PRKG2: variants seen among roughly 807,000 people sequenced by gnomAD.
PRKG2 encodes protein kinase cGMP-dependent 2.
A neutral mutation model predicts 97.2 loss-of-function variants in PRKG2; 33 were observed. That is an observed-to-expected ratio of 0.34 (90% confidence interval 0.26 to 0.45). The LOEUF (loss-of-function observed/expected upper bound fraction) is 0.45. Among genes scored for constraint, PRKG2 ranks in the 20% least tolerant of loss-of-function variants. PRKG2 has a pLI of 1.00. For synonymous variants in PRKG2, 330 were observed against 321.8 expected (o/e 1.03, Z -0.27); for missense variants, 638 against 900.0 (o/e 0.71, Z 3.73).
At chr4:81,116,066 G>T (rs946501457) in intron 14 of PRKG2, among the ~76,000 whole-genome samples, 1 of 151,984 alleles carries the variant, frequency 6.6e-6, no homozygotes, top group Non-Finnish European at 1.5e-5. Flanking sequence ...ATGTATACAT[G>T]TGCAGGTTTG....
chr4:81,100,412 C>T (rs1430456670), intron 17 of PRKG2, among the ~76,000 whole-genome samples: 1 of 152,110 alleles, frequency 6.6e-6, no homozygotes, highest in Non-Finnish European at 1.5e-5. Flanking sequence ...TAATGCCGCA[C>T]ATCTACAACC....
intron 16 of PRKG2, among the ~76,000 whole-genome samples, 167 bp downstream of exon 16, chr4:81,105,646 A>G (rs1010732284): frequency 6.6e-6 from 1 of 152,136 alleles, no homozygotes; most frequent in African/African-American, 2.4e-5. Flanking sequence ...GAGGTCAACT[A>G]AAACCCCCTA....
chr4:81,172,200 TG>T (rs2110084157), intron 3 of PRKG2, among the ~76,000 whole-genome samples: 1 of 152,262 alleles, frequency 6.6e-6, no homozygotes, highest in East Asian at 1.9e-4. Flanking sequence ...AAGCAGTGGA[TG>T]GCAAGTGTTT....
chr4:81,132,031 T>C (rs1329334751), intron 14 of PRKG2, among the ~76,000 whole-genome samples: 4 of 152,146 alleles, frequency 2.6e-5, no homozygotes, highest in Non-Finnish European at 5.9e-5. Context: ...GCTTATCAAA[T>C]ATTGAATTAT....
intron 6 of PRKG2, among the ~76,000 whole-genome samples, chr4:81,157,881 G>T (rs565125327): frequency 6.8e-6 from 1 of 146,388 alleles, no homozygotes; most frequent in Non-Finnish European, 1.5e-5. Context: ...ATTCAACAAC[G>T]CTTCACGCTA....
At chr4:81,196,579 C>A (rs1163437149) in intron 2 of PRKG2, among the ~76,000 whole-genome samples, 1 of 152,148 alleles carries the variant, frequency 6.6e-6, no homozygotes, top group Non-Finnish European at 1.5e-5. Context: ...AGAGCTTAAT[C>A]TGTAAGCCCC....
intron 8 of PRKG2, among the ~76,000 whole-genome samples, chr4:81,149,386 A>G (rs1363449927): frequency 1.3e-5 from 2 of 152,184 alleles, no homozygotes; most frequent in Non-Finnish European, 2.9e-5. Context: ...ATAAAATAAA[A>G]AAGTAGTTTC....
chr4:81,135,175 C>A lies in PRKG2; in HGVS notation c.1756G>T (p.Ala586Ser). 6.2e-7 allele frequency: 1 copy of A among 1,607,164 alleles called. No individual in the cohort carries two copies. Among genetic ancestry groups the A allele is most frequent in the Admixed American group, 1.7e-5 (1 of 59,304 alleles). The change falls in exon 14 of 19, where the codon GCT (alanine) becomes TCT (serine). Residue 586 changes from alanine (A) to serine (S), a missense_variant. This residue lies in a region of PRKG2 where 304 missense variants were observed against 460.5 expected (regional missense o/e 0.66). Coordinates refer to ENST00000264399, the MANE Select transcript of PRKG2 (RefSeq NM_006259.3). ...CTTACCAATTTAAGGTAACCCTCAG[C>A]ATCTAGAATTAAGTTTTCTGGTTTC... ...DLKPENLILDAEGYLKLVDFG... is the reference protein window; with the variant it reads ...DLKPENLILDSEGYLKLVDFG...
Position 81,204,809 on chromosome 4 carries a change from T to G in PRKG2, c.239A>C (p.Asn80Thr). 1.2e-6 allele frequency: 2 copies of G among 1,614,190 alleles called. No individual in the cohort carries two copies. The change falls in exon 2 of 19, where the codon AAC becomes ACC. Residue 80 changes from asparagine (N) to threonine (T), a missense_variant. This residue lies in a region of PRKG2 where 332 missense variants were observed against 421.7 expected (regional missense o/e 0.79). Coordinates refer to ENST00000264399, the MANE Select transcript of PRKG2 (RefSeq NM_006259.3). ...CATATGCACCACATCCTGCAGCTTG[T>G]TCAGCTGGATGCACTTGTTCTGGAG... ...EELQNKCIQL[N>T]KLQDVVHMQG... is the part of the protein sequence containing the mutation.
intron 2 of PRKG2, among the ~76,000 whole-genome samples, chr4:81,189,371 T>G (rs1752255839): frequency 7.6e-6 from 1 of 131,236 alleles, no homozygotes; most frequent in Non-Finnish European, 1.5e-5. Flanking sequence ...AATAAAAATG[T>G]CAACACACAC....
chr4:81,092,465 AAAGGAAGGAAGGAAGGAAGGAAGG>A lies in PRKG2; in HGVS notation c.2127-37_2127-14del, dbSNP rs59866145. On this transcript the variant is annotated splice_polypyrimidine_tract_variant and intron_variant, in intron 17 of 18. Coordinates refer to ENST00000264399, the MANE Select transcript of PRKG2 (RefSeq NM_006259.3). The stretch of plus-strand genomic sequence containing the variant: ...ACCATTTAACCACCTGAGAAATGAG[AAAGGAAGGAAGGAAGGAAGGAAGG>A]AAGGAAGGAAGGAAGGAAGGAAGGG... 15 of 926,498 alleles carry A rather than the reference AAAGGAAGGAAGGAAGGAAGGAAGG, an allele frequency of 1.6e-5. No homozygotes were observed. The highest frequency in any genetic ancestry group is 2.5e-5 in the Admixed American group (1 of 39,802). 57.4% of individuals were successfully genotyped at this position (926,498 alleles called of 1,614,324 possible).
intron 6 of PRKG2, chr4:81,154,073 C>CT (rs1748714592): frequency 5.6e-6 from 1 of 178,296 alleles, no homozygotes; most frequent in Non-Finnish European, 1.2e-5. Context: ...CTTAAAAAAA[C>CT]GGCGCACCAC....
intron 2 of PRKG2, among the ~76,000 whole-genome samples, chr4:81,189,870 G>A (rs1202204677): frequency 2.0e-5 from 3 of 152,096 alleles, no homozygotes; most frequent in Admixed American, 6.6e-5. Flanking sequence ...CAACTTACAA[G>A]GGATGTGAAG....
At chr4:81,097,235 T>C (rs1287147561) in intron 17 of PRKG2, among the ~76,000 whole-genome samples, 1 of 152,170 alleles carries the variant, frequency 6.6e-6, no homozygotes, top group Non-Finnish European at 1.5e-5. Context: ...TGAAAATATA[T>C]TAATCTCCTT....
chr4:81,092,592 A>C, intron 17 of PRKG2, 140 bp from the exon 18 acceptor site: 1 of 640,428 alleles, frequency 1.6e-6, no homozygotes, highest in Non-Finnish European at 2.7e-6. Flanking sequence ...TCATGGCTTT[A>C]AATAGCACTT....
intron 9 of PRKG2, among the ~76,000 whole-genome samples, chr4:81,146,651 G>A (rs1393529647): frequency 6.6e-6 from 1 of 152,078 alleles, no homozygotes; most frequent in Non-Finnish European, 1.5e-5. Flanking sequence ...GCCACCATCT[G>A]GTGAGCACTT....
chr4:81,154,680 A>G (rs1348275625), intron 6 of PRKG2, among the ~76,000 whole-genome samples: 1 of 152,152 alleles, frequency 6.6e-6, no homozygotes, highest in Non-Finnish European at 1.5e-5. Context: ...AAAACAGAGC[A>G]GAAAAACTAG....
intron 17 of PRKG2, among the ~76,000 whole-genome samples, chr4:81,099,795 A>T (rs916967826): frequency 6.6e-5 from 10 of 152,192 alleles, no homozygotes; most frequent in African/African-American, 2.4e-4. Flanking sequence ...AGATGACATG[A>T]TTGTGTATCT....
At chr4:81,106,731 G>A (rs906906662) in intron 15 of PRKG2, among the ~76,000 whole-genome samples, 1 of 152,176 alleles carries the variant, frequency 6.6e-6, no homozygotes, top group African/African-American at 2.4e-5. Flanking sequence ...TAATCCCAGT[G>A]TGATGGTATT....
Sources: gnomAD v4.1 joint callset for allele counts (sites outside exome capture counted in the v4.1 genomes callset) on GRCh38, gnomAD v4.1.1 for gene constraint, gnomAD v4.1.1 regional missense constraint, MANE v1.5 for transcripts, NCBI Gene and HGNC (gene_info 2026-07-23, HGNC 2026-07-21) for gene names.